The following WTAP variants were observed in gnomAD, a reference collection of about 807,000 sequenced individuals.
WTAP encodes WT1 associated protein.
In WTAP, 8 loss-of-function variants were observed where a neutral mutation model predicts 50.0. The ratio of observed to expected loss-of-function variants is 0.16; its 90% CI spans 0.09 to 0.29. WTAP has a LOEUF of 0.29. Ranked by LOEUF, WTAP falls within the 10% of genes least tolerant of loss-of-function variation. The probability of loss-of-function intolerance (pLI) is 1.00; values close to 1 mark genes in which losing one functional copy is unlikely to be tolerated. For synonymous variants in WTAP, 194 were observed against 169.0 expected (o/e 1.15, Z -1.15); for missense variants, 295 against 470.7 (o/e 0.63, Z 3.45).
intron 3 of WTAP, among the ~76,000 whole-genome samples, chr6:159,740,304 A>G (rs977413994): frequency 6.6e-6 from 1 of 152,226 alleles, no homozygotes; most frequent in Admixed American, 6.5e-5. Context: ...TTATTTTAAG[A>G]TACCTTTAAG....
intron 3 of WTAP, chr6:159,741,765 A>G: frequency 4.9e-6 from 1 of 204,518 alleles, no homozygotes; most frequent in Non-Finnish European, 1.0e-5. Flanking sequence ...GGGTGTGAGG[A>G]TCATTTGAGC....
In WTAP at chr6:159,727,617, G is replaced by A; in HGVS notation, c.-95G>A. On this transcript the variant is annotated 5_prime_UTR_variant, in exon 1 of 8. In the 5' UTR this introduces an upstream ATG that the reference lacks. Coordinates refer to ENST00000621533, the MANE Select transcript of WTAP (RefSeq NM_001270531.2). ...GGCGGCAGAGCTGTCCGGCTGCGCG[G>A]TGGCCCGGGGGGCCCGGGCGGCAGG... The A allele has an allele frequency of 1.0e-6, 1 of 986,290 alleles. No individual in the cohort carries two copies. The highest frequency in any genetic ancestry group is 4.6e-5 in the South Asian group (1 of 21,786). 61.1% of individuals were successfully genotyped at this position (986,290 alleles called of 1,614,324 possible).
At chr6:159,732,888 TGTGTGTGTGTGTG>T (rs1562452389) in intron 1 of WTAP, among the ~76,000 whole-genome samples, 2 of 40,052 alleles carry the variant, frequency 5.0e-5, no homozygotes, top group African/African-American at 1.1e-4. Context: ...ATATATATAG[TGTGTGTGTGTGTG>T]TGTGTGTGTG....
chr6:159,752,747 A>T (rs1354671112), intron 6 of WTAP, among the ~76,000 whole-genome samples: 3 of 152,186 alleles, frequency 2.0e-5, no homozygotes, highest in Admixed American at 1.3e-4. Context: ...GTACCAGAAA[A>T]CTTCCCTCTC....
At position 159,735,330 on chromosome 6, in the gene WTAP, C is replaced by G. The variant is rs73601303; in HGVS notation, c.-8-928C>G. 8.1e-3 allele frequency among the ~76,000 whole-genome samples: 1,228 copies of G among 152,178 alleles called. 19 individuals carry two copies. The highest frequency in any genetic ancestry group is 0.027 in the African/African-American group (1,127 of 41,530). On this transcript the variant is annotated intron_variant, in intron 1 of 7. Coordinates refer to ENST00000621533, the MANE Select transcript of WTAP (RefSeq NM_001270531.2). ...ATTTTTTTAATTTTTTGGTAGAGAC[C>G]GAGTTTCACCATGTTGGCCAGACTT...
At chr6:159,738,891 C>T in intron 2 of WTAP, 99 bp from the exon 3 acceptor site, 3 of 852,440 alleles carry the variant, frequency 3.5e-6, no homozygotes, top group Non-Finnish European at 1.8e-6. Flanking sequence ...TGTACTGAGC[C>T]GTTTAAATCT....
intron 3 of WTAP, among the ~76,000 whole-genome samples, chr6:159,741,390 T>G (rs1779247231): frequency 6.6e-6 from 1 of 152,124 alleles, no homozygotes. Flanking sequence ...TTGAGAAGAG[T>G]CACATGGTAT....
At chr6:159,727,147 G>A (rs1027091075), upstream of WTAP, 4 of 1,195,338 alleles carry the variant, frequency 3.3e-6, no homozygotes, top group East Asian at 6.0e-5. Context: ...CTGAGCTCCG[G>A]GGCCCGCGGA....
At chr6:159,735,821 G>GTAC (rs1452644469) in intron 1 of WTAP, among the ~76,000 whole-genome samples, 1 of 151,990 alleles carries the variant, frequency 6.6e-6, no homozygotes, top group Non-Finnish European at 1.5e-5. Flanking sequence ...GCTGTGGTAG[G>GTAC]TACTACCTTA....
At chr6:159,730,311 G>C (rs1481964636) in intron 1 of WTAP, among the ~76,000 whole-genome samples, 2 of 152,134 alleles carry the variant, frequency 1.3e-5, no homozygotes, top group African/African-American at 4.8e-5. Context: ...AACTTTAATT[G>C]ACTCCAAATG....
At position 159,743,628 on chromosome 6, in the gene WTAP, T is replaced by G. The variant is rs370497358; in HGVS notation, c.146-37T>G. The G allele has an allele frequency of 2.1e-5, 32 of 1,558,636 alleles. No homozygotes were observed. The Middle Eastern group carries it at 6.9e-4, about 34-fold the overall frequency. The stretch of plus-strand genomic sequence containing the variant: ...TGACAGAGGTATTTAGAACTTGATC[T>G]TAAAATTGTATTTATAATTTTTTTT... On this transcript the variant is annotated intron_variant, in intron 4 of 7. Transcript: ENST00000621533.
chr6:159,755,733 G>A lies in WTAP; in HGVS notation c.*122G>A. On this transcript the variant is annotated 3_prime_UTR_variant, in exon 8 of 8. Coordinates refer to ENST00000621533, the MANE Select transcript of WTAP (RefSeq NM_001270531.2). Reference sequence around the variant, plus strand: ...TGGGTGTACGTTTTGGTTTTTTTTTGTTGTTTTTTTTCTTTGTTTTTTTTT... The same window carrying A: ...TGGGTGTACGTTTTGGTTTTTTTTTATTGTTTTTTTTCTTTGTTTTTTTTT... 9.1e-6 allele frequency: 5 copies of A among 551,020 alleles called. No homozygotes were observed. In the South Asian group the frequency reaches 5.0e-4, roughly 55 times the overall value. 34.1% of individuals were successfully genotyped at this position (551,020 alleles called of 1,614,324 possible).
Position 159,748,230 on chromosome 6 carries a change from G to A in WTAP, c.313G>A (p.Val105Ile), listed in dbSNP as rs532857576. ...CCTCAAGCAAGTCCAGCAGCCGAGC[G>A]TTGCCCAACTGAGATCAACAATGGT... ...QYLKQVQQPS[V>I]AQLRSTMVDP... Residue 105 changes from valine to isoleucine, a missense_variant, in exon 6 of 8, where the codon GTT becomes ATT. This residue lies in a region of WTAP where 120 missense variants were observed against 287.6 expected (regional missense o/e 0.42). Coordinates refer to ENST00000621533, the MANE Select transcript of WTAP (RefSeq NM_001270531.2). The surrounding 1 kb of genome is among the most constrained non-coding windows in gnomAD (Gnocchi z 5.6). 6.2e-6 allele frequency: 10 copies of A among 1,613,936 alleles called. No individual in the cohort carries two copies. Among genetic ancestry groups the A allele is most frequent in the African/African-American group, 4.0e-5 (3 of 74,972 alleles).
Position 159,755,765 on chromosome 6 carries a change from CTTTTTTTTTTTTTTTTTTT to C in WTAP, c.*161_*179del. On this transcript the variant is annotated 3_prime_UTR_variant, in exon 8 of 8. Coordinates refer to ENST00000621533, the MANE Select transcript of WTAP (RefSeq NM_001270531.2). The stretch of plus-strand genomic sequence containing the variant: ...TTTTTCTTTGTTTTTTTTTTCTTTT[CTTTTTTTTTTTTTTTTTTT>C]TTTTTTGCTTCAATACTTCTGCCGC... The C allele has an allele frequency of 5.0e-4, 86 of 173,382 alleles. No individual in the cohort carries two copies. The highest frequency in any genetic ancestry group is 2.9e-3 in the Admixed American group (9 of 3,068). 10.7% of individuals were successfully genotyped at this position (173,382 alleles called of 1,614,324 possible).
rs1583079235 is a variant in WTAP at position 159,738,915 on chromosome 6, T to G, written c.31-75T>G. On this transcript the variant is annotated intron_variant, in intron 2 of 7. Transcript: ENST00000621533. ...CCGTTTAAATCTCACACTTGGGAGA[T>G]GTTTCATAGGTCTCATTATAGAACT... The G allele has an allele frequency of 2.8e-6, 3 of 1,059,184 alleles. No individual in the cohort carries two copies. In the East Asian group the frequency reaches 7.5e-5, roughly 27 times the overall value. 65.6% of individuals were successfully genotyped at this position (1,059,184 alleles called of 1,614,324 possible). A position where few individuals can be genotyped will look rare whatever the true frequency, so the allele number is the denominator to read the frequency against.
At chr6:159,744,117 T>C (rs1779420640) in intron 5 of WTAP, among the ~76,000 whole-genome samples, 1 of 152,238 alleles carries the variant, frequency 6.6e-6, no homozygotes. Flanking sequence ...TTTATTGCTT[T>C]ACTTTCACTG....
Position 159,748,550 on chromosome 6 carries a change from G to A in WTAP, c.452+181G>A. The stretch of plus-strand genomic sequence containing the variant: ...ATGTAAAACTTACCAGATGAACCTT[G>A]TGTTTCAGCTTTTTTCTTTTCCCCT... On this transcript the variant is annotated intron_variant, in intron 6 of 7. Transcript: ENST00000621533. The surrounding 1 kb of genome is among the most constrained non-coding windows in gnomAD (Gnocchi z 5.6). 7.4e-7 allele frequency: 1 copy of A among 1,359,260 alleles called. No homozygotes were observed. The highest frequency in any genetic ancestry group is 9.5e-7 in the Non-Finnish European group (1 of 1,052,054). The allele number at this position is 1,359,260 out of a possible 1,614,324, so 84.2% of individuals were successfully genotyped here.
At position 159,755,790 on chromosome 6, in the gene WTAP, T is replaced by C. The variant is rs561336803; in HGVS notation, c.*179T>C. On this transcript the variant is annotated 3_prime_UTR_variant, in exon 8 of 8. Transcript: ENST00000621533. ...CTTTTTTTTTTTTTTTTTTTTTTTT[T>C]GCTTCAATACTTCTGCCGCTTTGGA... is the stretch of plus-strand genomic sequence containing the variant. The C allele has an allele frequency of 4.7e-6, 4 of 848,856 alleles. No homozygotes were observed. The highest frequency in any genetic ancestry group is 3.6e-5 in the East Asian group (1 of 27,966). The allele number at this position is 848,856 out of a possible 1,614,324, so 52.6% of individuals were successfully genotyped here. A position where few individuals can be genotyped will look rare whatever the true frequency, so the allele number is the denominator to read the frequency against.
chr6:159,742,210 G>T, intron 4 of WTAP, 64 bp downstream of exon 4: 1 of 1,373,894 alleles, frequency 7.3e-7, no homozygotes, highest in South Asian at 1.3e-5. Context: ...AAATCAAAAG[G>T]ATAGTTGTTT....
Sources: allele counts gnomAD v4.1 joint callset (sites outside exome capture counted in the v4.1 genomes callset), GRCh38; gene constraint gnomAD v4.1.1; regional missense constraint gnomAD v4.1.1; non-coding constraint Gnocchi (gnomAD v3.1); transcripts MANE v1.5; gene names NCBI Gene and HGNC (gene_info 2026-07-23, HGNC 2026-07-21).